The following PIWIL3 variants were observed in gnomAD, a reference collection of about 807,000 sequenced individuals.
The protein encoded by PIWIL3 is piwi like RNA-mediated gene silencing 3, also known as piwi-like protein 3.
Under a neutral mutation model 109.7 loss-of-function variants are expected in PIWIL3, and 101 were observed. The ratio of observed to expected loss-of-function variants is 0.92; its 90% confidence interval spans 0.78 to 1.09. The LOEUF is 1.09. PIWIL3 is among the 50% of genes least tolerant of loss of function. The probability of loss-of-function intolerance (pLI) is 0.00; values close to 1 mark genes in which losing one functional copy is unlikely to be tolerated. For missense variants in PIWIL3, 1,031 were observed against 1,072.6 expected, an observed-to-expected ratio of 0.96 and a Z score of 0.54; for synonymous variants, 373 against 376.4, an observed-to-expected ratio of 0.99 and a Z score of 0.10.
intron 12 of PIWIL3, among the ~76,000 whole-genome samples, chr22:24,744,178 T>TAAAAAAAAAAAAAAA (rs1188611412): frequency 2.0e-4 from 7 of 34,314 alleles, no homozygotes; most frequent in South Asian, 1.4e-3. Flanking sequence ...GTGACCGAAT[T>TAAAAAAAAAAAAAAA]AAAAAAAAAA....
chr22:24,749,089 G>T, intron 11 of PIWIL3, 68 bp from the exon 12 acceptor site: 1 of 1,255,462 alleles, frequency 8.0e-7, no homozygotes, highest in Non-Finnish European at 1.1e-6. Flanking sequence ...TTTGTGCAAG[G>T]CAATTTCCTT....
At chr22:24,728,102 T>G (rs1569097250) in intron 15 of PIWIL3, 49 bp from the exon 16 acceptor site, 1 of 1,607,480 alleles carries the variant, frequency 6.2e-7, no homozygotes, top group African/African-American at 1.3e-5. Context: ...TGAGCAAAAT[T>G]TAAGCATTAA....
At chr22:24,771,474 C>T (rs1926128673) in intron 1 of PIWIL3, among the ~76,000 whole-genome samples, 1 of 104,474 alleles carries the variant, frequency 9.6e-6, no homozygotes, top group Non-Finnish European at 2.0e-5. Flanking sequence ...AAGACTCCAT[C>T]TCAAAAAAAA....
chr22:24,762,352 C>A, intron 2 of PIWIL3, 46 bp downstream of exon 2: 1 of 1,587,438 alleles, frequency 6.3e-7, no homozygotes, highest in Non-Finnish European at 8.6e-7. Context: ...CTTTTCAGTA[C>A]AGGCACATAT....
chr22:24,746,609 G>C (rs905549675), intron 12 of PIWIL3, among the ~76,000 whole-genome samples: 2 of 130,624 alleles, frequency 1.5e-5, no homozygotes, highest in Non-Finnish European at 3.2e-5. Flanking sequence ...GATAGGATCT[G>C]ATATTTGGAA....
intron 6 of PIWIL3, 29 bp downstream of exon 6, chr22:24,755,755 A>G (rs1924986327): frequency 6.2e-7 from 1 of 1,612,674 alleles, no homozygotes; most frequent in South Asian, 1.1e-5. Context: ...CCGAATGAGT[A>G]TCAAAGAAAC....
intron 12 of PIWIL3, among the ~76,000 whole-genome samples, chr22:24,738,871 G>T (rs1923819641): frequency 6.6e-6 from 1 of 152,006 alleles, no homozygotes; most frequent in African/African-American, 2.4e-5. Flanking sequence ...CTCAGAAAAT[G>T]AACCAAATAA....
At chr22:24,741,514 A>G (rs1324556450) in intron 12 of PIWIL3, among the ~76,000 whole-genome samples, 1 of 141,764 alleles carries the variant, frequency 7.1e-6, no homozygotes, top group Non-Finnish European at 1.6e-5. Context: ...AAAAAAACAA[A>G]AACAAACAAA....
chr22:24,756,326 T>C (rs1469613324), intron 5 of PIWIL3, among the ~76,000 whole-genome samples, 165 bp downstream of exon 5: 2 of 152,170 alleles, frequency 1.3e-5, no homozygotes, highest in African/African-American at 4.8e-5. Context: ...TTATTGAATA[T>C]CAGTGATAAC....
At chr22:24,726,904 T>G (rs1310725482) in intron 16 of PIWIL3, among the ~76,000 whole-genome samples, 6 of 152,240 alleles carry the variant, frequency 3.9e-5, no homozygotes, top group Non-Finnish European at 7.3e-5. Context: ...TCAAGTAATG[T>G]GCAAAGAGGA....
chr22:24,763,197 T>C (rs1346854592), intron 1 of PIWIL3, among the ~76,000 whole-genome samples: 1 of 150,600 alleles, frequency 6.6e-6, no homozygotes, highest in East Asian at 2.0e-4. Flanking sequence ...CAGGCTGGAG[T>C]GCAGTGGCGC....
intron 18 of PIWIL3, 118 bp downstream of exon 18, chr22:24,724,769 A>C (rs1267819533): frequency 8.7e-7 from 1 of 1,146,580 alleles, no homozygotes; most frequent in Non-Finnish European, 1.2e-6. Context: ...ATTGGATCTC[A>C]CTATGTTGCC....
At chr22:24,763,075 G>T (rs1161340565) in intron 1 of PIWIL3, among the ~76,000 whole-genome samples, 1 of 151,788 alleles carries the variant, frequency 6.6e-6, no homozygotes, top group Non-Finnish European at 1.5e-5. Flanking sequence ...ACATCAAAAA[G>T]ACTGACTGCC....
chr22:24,770,826 C>T (rs5751981), intron 1 of PIWIL3, among the ~76,000 whole-genome samples: 41,429 of 150,838 alleles, frequency 0.27, 6,821 homozygotes, highest in East Asian at 0.55. Flanking sequence ...TGGAGAGAGA[C>T]TCCATCTCAA....
At chr22:24,771,902 G>C (rs7288414) in intron 1 of PIWIL3, among the ~76,000 whole-genome samples, 66,280 of 151,730 alleles carry the variant, frequency 0.44, 14,717 homozygotes, top group East Asian at 0.59. Flanking sequence ...CACCATGTTG[G>C]CCAGGCTGGT....
chr22:24,732,364 G>A (rs898334038), intron 14 of PIWIL3, among the ~76,000 whole-genome samples: 1 of 152,140 alleles, frequency 6.6e-6, no homozygotes, highest in African/African-American at 2.4e-5. Context: ...TTGTGGACAC[G>A]CTTCCCCCAT....
intron 1 of PIWIL3, among the ~76,000 whole-genome samples, chr22:24,773,564 A>G (rs1219742595): frequency 1.3e-5 from 2 of 152,198 alleles, no homozygotes; most frequent in African/African-American, 4.8e-5. Flanking sequence ...GAGCATTTAC[A>G]TATTGATAGA....
At chr22:24,722,436 G>T (rs1460012377) in intron 19 of PIWIL3, among the ~76,000 whole-genome samples, 1 of 150,782 alleles carries the variant, frequency 6.6e-6, no homozygotes, top group African/African-American at 2.4e-5. Context: ...CCTCTGGCTG[G>T]ACATGGTGGC....
At position 24,754,173 on chromosome 22, in the gene PIWIL3, T is replaced by C. The variant is rs1569107687; in HGVS notation, c.818A>G (p.Gln273Arg). The change falls in exon 8 of 21, where the codon CAA (glutamine) becomes CGA (arginine). Residue 273 changes from glutamine to arginine, a missense_variant. Gln to Arg is a conservative substitution (Grantham distance 43). Coordinates refer to ENST00000616349, the MANE Select transcript of PIWIL3 (RefSeq NM_001255975.1). ...ACAGAGGGTAATGCTGTTTTCGTAT[T>C]GAAGAACAGAAGTAACATAACCAAG... ...IWLGYVTSVLQYENSITLCAD... is the reference protein window; with the variant it reads ...IWLGYVTSVLRYENSITLCAD... 1.2e-6 allele frequency: 2 copies of C among 1,614,108 alleles called. No individual in the cohort carries two copies. The highest frequency in any genetic ancestry group is 2.2e-5 in the South Asian group (2 of 91,084).
Sources: allele counts gnomAD v4.1 joint callset (sites outside exome capture counted in the v4.1 genomes callset), GRCh38; gene constraint gnomAD v4.1.1; transcripts MANE v1.5; gene names NCBI Gene and HGNC (gene_info 2026-07-23, HGNC 2026-07-21).